CPPED1: variants seen among roughly 807,000 people sequenced by gnomAD.
CPPED1 encodes the protein serine/threonine-protein phosphatase CPPED1.
A neutral mutation model predicts 28.0 loss-of-function variants in CPPED1; 28 were observed. That is an observed-to-expected ratio of 1.00 (90% CI 0.74 to 1.37). CPPED1 has a LOEUF of 1.37. CPPED1 is among the 40% of genes most tolerant of loss of function. The probability of loss-of-function intolerance (pLI) is 0.00; values close to 1 mark genes in which losing one functional copy is unlikely to be tolerated. For missense variants in CPPED1, 504 were observed against 416.5 expected (o/e 1.21, Z -1.83); for synonymous variants, 198 against 180.2 (o/e 1.10, Z -0.79).
At chr16:12,795,242 G>C (rs766912442) in intron 1 of CPPED1, among the ~76,000 whole-genome samples, 1 of 152,198 alleles carries the variant, frequency 6.6e-6, no homozygotes, top group African/African-American at 2.4e-5. Flanking sequence ...CCTTCCCCCG[G>C]GCAGATGTGC....
intron 3 of CPPED1, among the ~76,000 whole-genome samples, chr16:12,674,186 G>T (rs991798799): frequency 6.6e-6 from 1 of 152,128 alleles, no homozygotes; most frequent in African/African-American, 2.4e-5. Flanking sequence ...GGTCCTGCAT[G>T]AAAAAAATGA....
chr16:12,780,492 C>T (rs904638283), intron 2 of CPPED1, among the ~76,000 whole-genome samples: 7 of 152,084 alleles, frequency 4.6e-5, no homozygotes, highest in Admixed American at 2.0e-4. Flanking sequence ...GGACTTTGGA[C>T]CATCCAGAAT....
intron 2 of CPPED1, among the ~76,000 whole-genome samples, chr16:12,759,127 C>T (rs557085282): frequency 1.4e-5 from 2 of 140,340 alleles, no homozygotes; most frequent in East Asian, 2.1e-4. Flanking sequence ...CACACCACTG[C>T]ACTCCAGCTT....
chr16:12,723,629 A>C (rs1348183797), intron 2 of CPPED1, among the ~76,000 whole-genome samples: 2 of 152,162 alleles, frequency 1.3e-5, no homozygotes, highest in East Asian at 1.9e-4. Flanking sequence ...TGAGAAAGCA[A>C]ATTTCTGCTG....
chr16:12,730,393 A>G (rs893567361), intron 2 of CPPED1, among the ~76,000 whole-genome samples: 3 of 152,184 alleles, frequency 2.0e-5, no homozygotes, highest in Non-Finnish European at 4.4e-5. Context: ...AGTATTTGCC[A>G]AAGACAAACC....
chr16:12,764,176 G>T (rs1255444971), intron 2 of CPPED1, among the ~76,000 whole-genome samples: 1 of 150,212 alleles, frequency 6.7e-6, no homozygotes, highest in Non-Finnish European at 1.5e-5. Context: ...GTTTTTTCTG[G>T]ATACCTTTTG....
In CPPED1 at chr16:12,776,776, G is replaced by A. The variant is rs149582586; in HGVS notation, c.289+4409C>T. On this transcript the variant is annotated intron_variant, in intron 2 of 3. Coordinates refer to ENST00000381774, the MANE Select transcript of CPPED1 (RefSeq NM_018340.3). Reference sequence around the variant, plus strand: ...TCTACCAAAAATACAAAAATTAGCCGGGTGTGGTGGTGTGTGCCTGTAGTC... The same window carrying A: ...TCTACCAAAAATACAAAAATTAGCCAGGTGTGGTGGTGTGTGCCTGTAGTC... Among the ~76,000 whole-genome samples the A allele has an allele frequency of 3.1e-3, 467 of 152,138 alleles. 3 individuals carry two copies. Among genetic ancestry groups the A allele is most frequent in the Non-Finnish European group, 3.7e-3 (252 of 67,998 alleles).
At chr16:12,802,140 C>G (rs1266221763) in intron 1 of CPPED1, among the ~76,000 whole-genome samples, 1 of 152,064 alleles carries the variant, frequency 6.6e-6, no homozygotes, top group East Asian at 1.9e-4. Context: ...GAGGGCAAAC[C>G]CCTGGGGCAT....
intron 3 of CPPED1, among the ~76,000 whole-genome samples, chr16:12,692,833 G>A (rs975457274): frequency 6.6e-6 from 1 of 152,208 alleles, no homozygotes; most frequent in African/African-American, 2.4e-5. Context: ...CAGGGAGAAA[G>A]AGCACGCAGC....
intron 2 of CPPED1, among the ~76,000 whole-genome samples, chr16:12,780,630 A>G (rs1406117499): frequency 6.6e-6 from 1 of 151,996 alleles, no homozygotes; most frequent in African/African-American, 2.4e-5. Context: ...AGAGTGATGG[A>G]GAGACCAAGT....
chr16:12,767,239 A>C (rs2080444767), intron 2 of CPPED1, among the ~76,000 whole-genome samples: 1 of 152,174 alleles, frequency 6.6e-6, no homozygotes, highest in East Asian at 1.9e-4. Flanking sequence ...AAGGTCTGAG[A>C]ACCAGGAGTG....
At chr16:12,692,220 C>T (rs1048502705) in intron 3 of CPPED1, among the ~76,000 whole-genome samples, 1 of 152,076 alleles carries the variant, frequency 6.6e-6, no homozygotes, top group African/African-American at 2.4e-5. Context: ...TTTTTAATAC[C>T]CACTGGTGGC....
At chr16:12,689,890 A>G (rs1384506629) in intron 3 of CPPED1, among the ~76,000 whole-genome samples, 2 of 152,174 alleles carry the variant, frequency 1.3e-5, no homozygotes, top group Non-Finnish European at 2.9e-5. Flanking sequence ...TTTTTTTCAG[A>G]CCATTTACTC....
At chr16:12,699,161 G>A (rs1240804090) in intron 3 of CPPED1, among the ~76,000 whole-genome samples, 2 of 152,144 alleles carry the variant, frequency 1.3e-5, no homozygotes, top group Admixed American at 6.5e-5. Flanking sequence ...TAGGTATCAG[G>A]TGAATAAAGC....
intron 3 of CPPED1, among the ~76,000 whole-genome samples, chr16:12,666,607 G>T (rs1412260431): frequency 1.3e-5 from 2 of 152,114 alleles, no homozygotes; most frequent in Non-Finnish European, 2.9e-5. Context: ...ATTTCAAGTT[G>T]CCAAGGTGAT....
In CPPED1 at chr16:12,711,913, C is replaced by G. The variant is rs149677187; in HGVS notation, c.290-6864G>C. 6.0e-3 allele frequency among the ~76,000 whole-genome samples: 917 copies of G among 152,264 alleles called. 15 individuals are homozygous for G. Among genetic ancestry groups the G allele is most frequent in the African/African-American group, 0.021 (868 of 41,552 alleles). On this transcript the variant is annotated intron_variant, in intron 2 of 3. Transcript: ENST00000381774. ...CCTTCCTTTCCCCTCTTTCTAACAG[C>G]CCCCTACCCAGGGAAGAGACAGGGG... is the stretch of plus-strand genomic sequence containing the variant.
intron 2 of CPPED1, among the ~76,000 whole-genome samples, chr16:12,717,208 G>A (rs1426700932): frequency 6.6e-6 from 1 of 152,182 alleles, no homozygotes; most frequent in Middle Eastern, 3.2e-3. Context: ...CACCAACTAT[G>A]TACCAGGCTA....
chr16:12,689,027 A>G (rs1596446639), intron 3 of CPPED1, among the ~76,000 whole-genome samples: 1 of 152,276 alleles, frequency 6.6e-6, no homozygotes, highest in South Asian at 2.1e-4. Flanking sequence ...TCAAGATGTT[A>G]TTATGTATGA....
At position 12,664,884 on chromosome 16, in the gene CPPED1, C is replaced by T. The variant is rs746262783; in HGVS notation, c.*2G>A. On this transcript the variant is annotated 3_prime_UTR_variant, in exon 4 of 4. Transcript: ENST00000381774. The surrounding 1 kb of genome is among the most constrained non-coding windows in gnomAD (Gnocchi z 4.2). ...AAAAGTGAACGGGAACGGGAAGGAG[C>T]GTCATTTTTTCTTGATCAAATCCAT... 33 of 1,605,838 alleles carry T rather than the reference C, an allele frequency of 2.1e-5. No homozygotes were observed. Among genetic ancestry groups the T allele is most frequent in the South Asian group, 3.3e-5 (3 of 89,658 alleles).
Sources: allele counts gnomAD v4.1 joint callset (sites outside exome capture counted in the v4.1 genomes callset), GRCh38; gene constraint gnomAD v4.1.1; non-coding constraint Gnocchi (gnomAD v3.1); transcripts MANE v1.5; gene names NCBI Gene and HGNC (gene_info 2026-07-23, HGNC 2026-07-21).